The following LHFPL3 variants were observed in gnomAD, a reference collection of about 807,000 sequenced individuals.
The protein encoded by LHFPL3 is LHFPL tetraspan subfamily member 3 protein.
In LHFPL3, 5 loss-of-function variants were observed where a neutral mutation model predicts 19.3. The observed-to-expected ratio is 0.26, with a 90% CI of 0.14 to 0.54. The LOEUF is 0.54. LHFPL3 is among the 20% of genes least tolerant of loss of function. The pLI is 0.94. For synonymous variants in LHFPL3, 133 were observed against 126.2 expected, an observed-to-expected ratio of 1.05 and a Z score of -0.36; for missense variants, 249 against 307.4, an observed-to-expected ratio of 0.81 and a Z score of 1.42.
intron 2 of LHFPL3, among the ~76,000 whole-genome samples, chr7:104,845,884 G>A (rs148902239): frequency 1.8e-4 from 28 of 152,338 alleles, no homozygotes; most frequent in Middle Eastern, 6.8e-3. Flanking sequence ...GGCTGTGGGC[G>A]TCTCCATAGA....
At chr7:104,870,675 G>C (rs1404830923) in intron 2 of LHFPL3, among the ~76,000 whole-genome samples, 1 of 152,170 alleles carries the variant, frequency 6.6e-6, no homozygotes, top group African/African-American at 2.4e-5. Flanking sequence ...ATAGACTGAA[G>C]GCCCAGCTGA....
intron 1 of LHFPL3, among the ~76,000 whole-genome samples, chr7:104,545,601 T>C (rs1219577580): frequency 2.6e-5 from 4 of 152,224 alleles, no homozygotes; most frequent in Non-Finnish European, 5.9e-5. Context: ...TTTGTTCTGA[T>C]TGGCTCCAGT....
At chr7:104,765,630 C>G (rs1453538263) in intron 2 of LHFPL3, among the ~76,000 whole-genome samples, 1 of 152,158 alleles carries the variant, frequency 6.6e-6, no homozygotes, top group Non-Finnish European at 1.5e-5. Flanking sequence ...AGTTATTGAG[C>G]TTATACATGT....
rs748673063 is a variant in LHFPL3 at position 104,328,791 on chromosome 7, C to CGCCGCCGCT, written c.21_29dup (p.Ala12_Ala14dup). 3.3e-5 allele frequency: 53 copies of CGCCGCCGCT among 1,594,916 alleles called. No individual in the cohort carries two copies. The highest frequency in any genetic ancestry group is 1.9e-4 in the African/African-American group (14 of 74,236). On this transcript the variant is annotated inframe_insertion, in exon 1 of 3. Coordinates refer to ENST00000424859, the MANE Select transcript of LHFPL3 (RefSeq NM_199000.3). The surrounding 1 kb of genome is among the most constrained non-coding windows in gnomAD (Gnocchi z 4.6). ...GGAGGAGGGGGAGAATGCCCGGAGC[C>CGCCGCCGCT]GCCGCCGCTGCCGCCGCCGCCGCCG... is the stretch of plus-strand genomic sequence containing the variant.
intron 2 of LHFPL3, among the ~76,000 whole-genome samples, chr7:104,780,607 C>T (rs1345386296): frequency 6.6e-6 from 1 of 152,108 alleles, no homozygotes; most frequent in Non-Finnish European, 1.5e-5. Flanking sequence ...CTCACAGCCT[C>T]TCCTCACCAC....
intron 1 of LHFPL3, among the ~76,000 whole-genome samples, chr7:104,411,112 A>G (rs1791526669): frequency 1.3e-5 from 2 of 152,202 alleles, no homozygotes; most frequent in Admixed American, 1.3e-4. Flanking sequence ...ATTAAAAGAT[A>G]ATATGAGTTT....
chr7:104,750,728 C>G (rs1347211326), intron 2 of LHFPL3, among the ~76,000 whole-genome samples: 4 of 152,286 alleles, frequency 2.6e-5, no homozygotes, highest in Non-Finnish European at 5.9e-5. Flanking sequence ...ATTGTGGTAA[C>G]TGGCTTATTC....
rs565870809 is a variant in LHFPL3 at position 104,503,574 on chromosome 7, T to C, written c.445+174350T>C. Among the ~76,000 whole-genome samples, 18 of 152,258 alleles carry C rather than the reference T, an allele frequency of 1.2e-4. No individual in the cohort carries two copies. The South Asian group carries it at 2.9e-3, about 25-fold the overall frequency. On this transcript the variant is annotated intron_variant, in intron 1 of 2. Coordinates refer to ENST00000424859, the MANE Select transcript of LHFPL3 (RefSeq NM_199000.3). ...GAGTTTTTTATTTTAATTTTAATATTTTCTTTTTCTTTTGAGACTGGGTCT... is the reference window on the plus strand; with the variant it reads ...GAGTTTTTTATTTTAATTTTAATATCTTCTTTTTCTTTTGAGACTGGGTCT...
intron 1 of LHFPL3, among the ~76,000 whole-genome samples, chr7:104,478,156 C>T (rs1480645519): frequency 2.0e-5 from 3 of 151,744 alleles, no homozygotes; most frequent in African/African-American, 7.3e-5. Flanking sequence ...TATTGAAATC[C>T]CTGTGAGTCA....
intron 1 of LHFPL3, among the ~76,000 whole-genome samples, chr7:104,521,045 G>T (rs1398192664): frequency 6.6e-6 from 1 of 152,054 alleles, no homozygotes; most frequent in Non-Finnish European, 1.5e-5. Context: ...ATGTTAGGGT[G>T]TCAGTTTTGG....
At chr7:104,742,131 G>C (rs1273458558) in intron 2 of LHFPL3, among the ~76,000 whole-genome samples, 2 of 152,174 alleles carry the variant, frequency 1.3e-5, no homozygotes, top group African/African-American at 2.4e-5. Flanking sequence ...TGAAATGAAA[G>C]CTTCATTTTC....
intron 1 of LHFPL3, among the ~76,000 whole-genome samples, chr7:104,434,636 G>A (rs1792066730): frequency 6.6e-6 from 1 of 152,158 alleles, no homozygotes; most frequent in Admixed American, 6.5e-5. Flanking sequence ...TATTGAACTT[G>A]TAGAGTCCTC....
At chr7:104,859,323 C>T (rs1791570567) in intron 2 of LHFPL3, among the ~76,000 whole-genome samples, 1 of 151,250 alleles carries the variant, frequency 6.6e-6, no homozygotes, top group Admixed American at 6.6e-5. Flanking sequence ...TACCACCCTA[C>T]CTAGTCACTC....
At chr7:104,777,992 C>T (rs1328376198) in intron 2 of LHFPL3, among the ~76,000 whole-genome samples, 2 of 152,116 alleles carry the variant, frequency 1.3e-5, no homozygotes, top group Non-Finnish European at 2.9e-5. Flanking sequence ...TGAACTTGTT[C>T]TCCTTCCCCA....
intron 1 of LHFPL3, among the ~76,000 whole-genome samples, chr7:104,596,003 C>G (rs4385405): frequency 2.0e-5 from 3 of 152,240 alleles, no homozygotes; most frequent in Non-Finnish European, 4.4e-5. Flanking sequence ...ACCCCCCAAC[C>G]CCTTGTGCTT....
chr7:104,824,544 TATATATA>T (rs1423995932), intron 2 of LHFPL3, among the ~76,000 whole-genome samples: 1 of 74,008 alleles, frequency 1.4e-5, no homozygotes, highest in Non-Finnish European at 2.3e-5. Context: ...TATATATAAT[TATATATA>T]ATATATAATT....
chr7:104,871,333 A>T (rs1413566884), intron 2 of LHFPL3, among the ~76,000 whole-genome samples: 1 of 152,186 alleles, frequency 6.6e-6, no homozygotes, highest in Non-Finnish European at 1.5e-5. Flanking sequence ...ATATGGTATA[A>T]AGGATAAAGT....
chr7:104,590,982 C>T (rs1211325558), intron 1 of LHFPL3, among the ~76,000 whole-genome samples: 2 of 152,086 alleles, frequency 1.3e-5, no homozygotes, highest in African/African-American at 4.8e-5. Context: ...CATCCTCCAT[C>T]CCTTTAATTT....
In LHFPL3 at chr7:104,744,399, T is replaced by A. The variant is rs910093869; in HGVS notation, c.682+7488T>A. On this transcript the variant is annotated intron_variant, in intron 2 of 2. Transcript: ENST00000424859. ...AATTAAAACTTTCATAAGGTCATAG[T>A]GAACTGCCTGTTTCCTGATGGGATT... Among the ~76,000 whole-genome samples, 6 of 152,328 alleles carry A rather than the reference T, an allele frequency of 3.9e-5. No homozygotes were observed. In the East Asian group the frequency reaches 1.2e-3, roughly 29 times the overall value.
Sources: allele counts gnomAD v4.1 joint callset (sites outside exome capture counted in the v4.1 genomes callset), GRCh38; gene constraint gnomAD v4.1.1; non-coding constraint Gnocchi (gnomAD v3.1); transcripts MANE v1.5; gene names NCBI Gene and HGNC (gene_info 2026-07-23, HGNC 2026-07-21).